The following DLGAP1 variants were observed in gnomAD, a reference collection of about 807,000 sequenced individuals.
DLGAP1 encodes disks large-associated protein 1.
In DLGAP1, 11 loss-of-function variants were observed where a neutral mutation model predicts 90.8. The observed-to-expected ratio is 0.12, with a 90% CI of 0.08 to 0.20. The LOEUF is 0.20. Among genes scored for constraint, DLGAP1 ranks in the 10% least tolerant of loss-of-function variants. DLGAP1 has a pLI of 1.00. For synonymous variants in DLGAP1, 558 were observed against 540.7 expected (o/e 1.03, Z -0.44); for missense variants, 1,050 against 1,333.8 (o/e 0.79, Z 3.31).
At chr18:3,890,624 C>A (rs1221362335) in intron 3 of DLGAP1, among the ~76,000 whole-genome samples, 2 of 152,184 alleles carry the variant, frequency 1.3e-5, no homozygotes, top group African/African-American at 4.8e-5. Flanking sequence ...AAATTTTAAA[C>A]AAACAAATCC....
chr18:4,120,167 C>G (rs1455049241), intron 2 of DLGAP1, among the ~76,000 whole-genome samples: 15 of 152,144 alleles, frequency 9.9e-5, no homozygotes, highest in Admixed American at 9.8e-4. Flanking sequence ...CCTTTAAAAA[C>G]CATCCCTTGT....
chr18:4,347,475 T>A (rs1237600789), intron 1 of DLGAP1, among the ~76,000 whole-genome samples: 2 of 152,060 alleles, frequency 1.3e-5, no homozygotes, highest in East Asian at 3.9e-4. Context: ...CATAGTATTA[T>A]ATATCATATT....
chr18:4,029,704 T>C (rs898146287), intron 2 of DLGAP1, among the ~76,000 whole-genome samples: 4 of 152,216 alleles, frequency 2.6e-5, no homozygotes, highest in Non-Finnish European at 4.4e-5. Context: ...CTAGTAGACA[T>C]AATTCCCAAT....
intron 7 of DLGAP1, among the ~76,000 whole-genome samples, chr18:3,620,173 A>C (rs994319732): frequency 5.9e-5 from 9 of 152,152 alleles, no homozygotes; most frequent in Non-Finnish European, 1.2e-4. Flanking sequence ...TGAGGTCCTT[A>C]TAAGAGGGAG....
intron 3 of DLGAP1, among the ~76,000 whole-genome samples, chr18:3,906,717 T>G (rs1002842313): frequency 7.2e-5 from 11 of 152,204 alleles, no homozygotes; most frequent in African/African-American, 2.4e-4. Flanking sequence ...GAGACCAATG[T>G]AAATAATTGG....
At chr18:4,279,636 G>T (rs576097417) in intron 1 of DLGAP1, among the ~76,000 whole-genome samples, 4 of 152,246 alleles carry the variant, frequency 2.6e-5, no homozygotes, top group Admixed American at 2.6e-4. Flanking sequence ...TGATTTAAAT[G>T]TGTCTAACGT....
chr18:3,858,973 G>A (rs2069852915), intron 4 of DLGAP1, among the ~76,000 whole-genome samples: 1 of 152,144 alleles, frequency 6.6e-6, no homozygotes, highest in Non-Finnish European at 1.5e-5. Context: ...TTCCATACAT[G>A]AGGTTATAAG....
At chr18:3,868,068 T>C (rs2070515067) in intron 4 of DLGAP1, among the ~76,000 whole-genome samples, 1 of 152,164 alleles carries the variant, frequency 6.6e-6, no homozygotes, top group African/African-American at 2.4e-5. Context: ...GTGAAAGCCT[T>C]AGAGAGAAGG....
At chr18:3,793,665 C>T (rs770619424) in intron 5 of DLGAP1, among the ~76,000 whole-genome samples, 26 of 152,166 alleles carry the variant, frequency 1.7e-4, no homozygotes, top group Non-Finnish European at 3.5e-4. Flanking sequence ...CTAGCTCTCT[C>T]TTTGCGCTCT....
At chr18:3,917,172 G>A (rs970729720) in intron 3 of DLGAP1, among the ~76,000 whole-genome samples, 2 of 152,198 alleles carry the variant, frequency 1.3e-5, no homozygotes, top group Non-Finnish European at 2.9e-5. Context: ...TAAGTTAGCT[G>A]TACTAAATGC....
chr18:4,114,530 A>T (rs1005553891), intron 2 of DLGAP1, among the ~76,000 whole-genome samples: 8 of 152,072 alleles, frequency 5.3e-5, no homozygotes, highest in South Asian at 4.1e-4. Flanking sequence ...AGAGTTTTGT[A>T]GGTATAGGAT....
chr18:3,580,466 C>T, intron 8 of DLGAP1: 1 of 1,611,496 alleles, frequency 6.2e-7, no homozygotes, highest in Non-Finnish European at 8.5e-7. Flanking sequence ...CCTCAGCCGC[C>T]ACCTCTTCAT....
chr18:3,551,042 A>C (rs1380912663), intron 9 of DLGAP1, among the ~76,000 whole-genome samples: 1 of 151,284 alleles, frequency 6.6e-6, no homozygotes, highest in African/African-American at 2.4e-5. Flanking sequence ...CGTCCAGCCC[A>C]CCAGAACCAG....
intron 2 of DLGAP1, among the ~76,000 whole-genome samples, chr18:4,059,929 C>A (rs182872876): frequency 2.6e-4 from 40 of 152,248 alleles, no homozygotes; most frequent in Admixed American, 2.6e-3. Context: ...CCGGCCCCCT[C>A]CAGGATGCCC....
chr18:4,438,799 T>A (rs951764186), intron 1 of DLGAP1, among the ~76,000 whole-genome samples: 3 of 152,192 alleles, frequency 2.0e-5, no homozygotes, highest in Non-Finnish European at 2.9e-5. Flanking sequence ...CCAGTGTTTA[T>A]TTCATATATT....
At chr18:4,176,771 T>G (rs1000189856) in intron 1 of DLGAP1, among the ~76,000 whole-genome samples, 1 of 152,204 alleles carries the variant, frequency 6.6e-6, no homozygotes, top group African/African-American at 2.4e-5. Context: ...CTGAGATAAG[T>G]TGGCCAAGAC....
chr18:3,817,981 T>C (rs532635800), intron 4 of DLGAP1, among the ~76,000 whole-genome samples: 137 of 152,304 alleles, frequency 9.0e-4, no homozygotes, highest in African/African-American at 3.2e-3. Flanking sequence ...AGGTCCTCAT[T>C]GATTTCAGGC....
intron 9 of DLGAP1, among the ~76,000 whole-genome samples, chr18:3,554,340 G>C (rs2053634571): frequency 6.6e-6 from 1 of 152,200 alleles, no homozygotes; most frequent in Admixed American, 6.5e-5. Flanking sequence ...GTGTCCTATA[G>C]AGCGGTACCA....
At chr18:4,250,445 T>A (rs2078757094) in intron 1 of DLGAP1, among the ~76,000 whole-genome samples, 1 of 152,228 alleles carries the variant, frequency 6.6e-6, no homozygotes, top group Non-Finnish European at 1.5e-5. Flanking sequence ...AAAGTCCTGA[T>A]GCCAACAATT....
Sources: allele counts gnomAD v4.1 joint callset (sites outside exome capture counted in the v4.1 genomes callset), GRCh38; gene constraint gnomAD v4.1.1; transcripts MANE v1.5; gene names NCBI Gene and HGNC (gene_info 2026-07-23, HGNC 2026-07-21).